Variants in PNLDC1 observed in about 807,000 individuals in gnomAD.
The protein encoded by PNLDC1 is PARN like ribonuclease domain containing exonuclease 1, also known as poly(A)-specific ribonuclease PNLDC1.
PNLDC1 carries 70 observed loss-of-function variants against 82.0 expected under a neutral mutation model. The ratio of observed to expected loss-of-function variants is 0.85; its 90% CI spans 0.70 to 1.04. The LOEUF (loss-of-function observed/expected upper bound fraction) is 1.04. PNLDC1 is among the 50% of genes least tolerant of loss of function. The pLI is 0.00. For synonymous variants in PNLDC1, 280 were observed against 249.3 expected (o/e 1.12, Z -1.16); for missense variants, 631 against 661.1 (o/e 0.95, Z 0.50).
Position 159,816,587 on chromosome 6 carries a change from T to C in PNLDC1, c.1105T>C (p.Cys369Arg). ...CGAAGCCGCGTATGATGCCTTCCTC[T>C]GTGGGTCAGGTAAGGATTGCGGTTC... ...PHEAAYDAFL[C>R]GSVLLKVAHL... The change falls in exon 14 of 19, where the codon TGT (cysteine) becomes CGT (arginine). Residue 369 changes from cysteine (C) to arginine (R), a missense_variant. Coordinates refer to ENST00000392167, the MANE Select transcript of PNLDC1 (RefSeq NM_001271862.2). The C allele has an allele frequency of 3.7e-6, 6 of 1,613,546 alleles. No individual in the cohort carries two copies. Among genetic ancestry groups the C allele is most frequent in the Non-Finnish European group, 5.1e-6 (6 of 1,179,758 alleles).
At chr6:159,800,634 A>G in intron 1 of PNLDC1, 138 bp from the exon 2 acceptor site, 1 of 1,599,440 alleles carries the variant, frequency 6.3e-7, no homozygotes. Flanking sequence ...TGGTTCCTCC[A>G]TTTTCCCTTC....
Position 159,817,520 on chromosome 6 carries a change from G to T in PNLDC1, c.1157+369G>T, listed in dbSNP as rs6923260. 6.7e-3 allele frequency among the ~76,000 whole-genome samples: 1,017 copies of T among 152,328 alleles called. 8 individuals carry two copies. Among genetic ancestry groups the T allele is most frequent in the African/African-American group, 0.023 (967 of 41,550 alleles). ...CTTATAGCCATGTAAGCAACAGTGA[G>T]GTATGAGGAGAAAGTGTTCAGGTCA... On this transcript the variant is annotated intron_variant, in intron 15 of 18. Transcript: ENST00000392167.
At chr6:159,820,296 A>G (rs898474542) in intron 18 of PNLDC1, among the ~76,000 whole-genome samples, 158 bp from the exon 19 acceptor site, 1 of 152,192 alleles carries the variant, frequency 6.6e-6, no homozygotes. Context: ...GAGCCAGCCT[A>G]ACCTCGAGAG....
intron 12 of PNLDC1, 108 bp downstream of exon 12, chr6:159,813,764 T>G (rs41267789): frequency 0.1 from 95,951 of 952,184 alleles, 5,696 homozygotes; most frequent in Middle Eastern, 0.18. Flanking sequence ...CAGTGATGCC[T>G]GCTTGGGACT....
At chr6:159,813,416 C>T (rs1378628458) in intron 11 of PNLDC1, among the ~76,000 whole-genome samples, 185 bp from the exon 12 acceptor site, 1 of 152,096 alleles carries the variant, frequency 6.6e-6, no homozygotes, top group Non-Finnish European at 1.5e-5. Flanking sequence ...CTAGGAAACC[C>T]AGGAATACTG....
chr6:159,802,879 G>A (rs1173435130), intron 3 of PNLDC1, among the ~76,000 whole-genome samples: 2 of 151,850 alleles, frequency 1.3e-5, no homozygotes, highest in Non-Finnish European at 1.5e-5. Context: ...CACCGCACCT[G>A]GCCTGAAGTC....
chr6:159,815,852 A>T, intron 12 of PNLDC1, 117 bp from the exon 13 acceptor site: 1 of 736,524 alleles, frequency 1.4e-6, no homozygotes, highest in Non-Finnish European at 2.2e-6. Context: ...TTTGCACCTT[A>T]AAGATATGTC....
intron 10 of PNLDC1, among the ~76,000 whole-genome samples, chr6:159,811,061 C>G (rs146014006): frequency 6.6e-6 from 1 of 152,132 alleles, no homozygotes; most frequent in Non-Finnish European, 1.5e-5. Context: ...CCCTCTCAGC[C>G]GGTGGGAGGT....
Position 159,820,497 on chromosome 6 carries a change from C to T in PNLDC1, c.1576C>T (p.Leu526Phe), listed in dbSNP as rs1782004417. The T allele has an allele frequency of 6.2e-7, 1 of 1,614,052 alleles. No homozygotes were observed. Among genetic ancestry groups the T allele is most frequent in the Admixed American group, 1.7e-5 (1 of 60,016 alleles). ...TGCCTGGGCCCTTCTCGCGTTCATC[C>T]TTGGAAGATCTGGTACCTGAGTGCA... is the stretch of plus-strand genomic sequence containing the variant. ...VTAWALLAFI[L>F]GRSGT The change falls in exon 19 of 19, where the codon CTT becomes TTT. Residue 526 changes from leucine (L) to phenylalanine (F), a missense_variant. By Grantham distance (22) the Leu-to-Phe change is conservative. Transcript: ENST00000392167.
rs540543181 is a variant in PNLDC1, at chr6:159,800,411, C to G, written c.76+28C>G. On this transcript the variant is annotated intron_variant, in intron 1 of 18. Transcript: ENST00000392167. ...GAAGAGCCTGGGATTCGCGGCTGTGCCGGACAGAGCCCCTTGCCCCGGGCG... is the reference window on the plus strand; with the variant it reads ...GAAGAGCCTGGGATTCGCGGCTGTGGCGGACAGAGCCCCTTGCCCCGGGCG... The G allele has an allele frequency of 1.7e-4, 269 of 1,541,006 alleles. 3 individuals are homozygous for G. The East Asian group carries it at 5.0e-3, about 29-fold the overall frequency.
At chr6:159,803,409 C>G in intron 4 of PNLDC1, 99 bp downstream of exon 4, 1 of 1,082,018 alleles carries the variant, frequency 9.2e-7, no homozygotes, top group Non-Finnish European at 1.4e-6. Flanking sequence ...CACTTTTGCC[C>G]TGGATCTTCC....
At chr6:159,817,566 T>C (rs1041457774) in intron 15 of PNLDC1, among the ~76,000 whole-genome samples, 1 of 152,224 alleles carries the variant, frequency 6.6e-6, no homozygotes, top group African/African-American at 2.4e-5. Flanking sequence ...TATCCTTTGT[T>C]GGGGGCACAT....
rs1781424523 is a variant in PNLDC1 at position 159,805,756 on chromosome 6, TTGAATATA to T, written c.462-224_462-217del. On this transcript the variant is annotated intron_variant, in intron 6 of 18. Coordinates refer to ENST00000392167, the MANE Select transcript of PNLDC1 (RefSeq NM_001271862.2). The stretch of plus-strand genomic sequence containing the variant: ...TACATCCTAGTGAAGCAGGAGGGGA[TTGAATATA>T]TGCCTGGATCCTATGGAAGGTTGTG... 1.6e-5 allele frequency: 8 copies of T among 515,020 alleles called. No individual in the cohort carries two copies. The South Asian group carries it at 1.7e-4, about 11-fold the overall frequency. The allele number at this position is 515,020 out of a possible 1,614,324, so 31.9% of individuals were successfully genotyped here.
At position 159,806,986 on chromosome 6, in the gene PNLDC1, G is replaced by A. The variant is rs527682579; in HGVS notation, c.562+903G>A. On this transcript the variant is annotated intron_variant, in intron 7 of 18. Coordinates refer to ENST00000392167, the MANE Select transcript of PNLDC1 (RefSeq NM_001271862.2). Reference sequence around the variant, plus strand: ...CAGCTCACTGCAATCTCCGCCTCCCGGGTTCAAGTGATTGTCCTGCCTCAG... The same window carrying A: ...CAGCTCACTGCAATCTCCGCCTCCCAGGTTCAAGTGATTGTCCTGCCTCAG... Among the ~76,000 whole-genome samples the A allele has an allele frequency of 1.7e-4, 26 of 150,534 alleles. No homozygotes were observed. The East Asian group carries it at 4.2e-3, about 24-fold the overall frequency.
chr6:159,809,311 T>G (rs1781565999), intron 9 of PNLDC1, among the ~76,000 whole-genome samples, 153 bp downstream of exon 9: 1 of 152,178 alleles, frequency 6.6e-6, no homozygotes, highest in Non-Finnish European at 1.5e-5. Flanking sequence ...AGATAGGGTC[T>G]CACCTGTCAC....
At position 159,818,639 on chromosome 6, in the gene PNLDC1, G is replaced by A. The variant is rs139683511; in HGVS notation, c.1242G>A (p.Ala414=). Residue 414 remains alanine, a synonymous_variant, in exon 16 of 19, where the codon GCG becomes GCA. Transcript: ENST00000392167. The part of the protein sequence containing the change: ...PYVNQVNLIR[A]GVPKINFSGP... ...TGAACCAAGTGAACCTCATCCGAGC[G>A]GGGGTCCCAAAGATCGTGAGTAGAT... The A allele has an allele frequency of 4.3e-5, 69 of 1,613,596 alleles. No homozygotes were observed. The African/African-American group carries it at 6.3e-4, about 15-fold the overall frequency.
rs767391405 is a variant in PNLDC1 at position 159,800,703 on chromosome 6, G to T, written c.77-69G>T. ...AGCGCGGGTGCCTTGGCCGCCTGCA[G>T]ATCTACAGTGTGAGGAGTGCTGGCG... On this transcript the variant is annotated intron_variant, in intron 1 of 18. Transcript: ENST00000392167. The T allele has an allele frequency of 3.5e-5, 56 of 1,614,072 alleles. No homozygotes were observed. In the East Asian group the frequency reaches 1.2e-3, roughly 35 times the overall value.
chr6:159,807,426 A>T (rs1781488481), intron 7 of PNLDC1, among the ~76,000 whole-genome samples: 1 of 152,198 alleles, frequency 6.6e-6, no homozygotes, highest in Non-Finnish European at 1.5e-5. Context: ...ACTTCAAGGA[A>T]GATAACTCGC....
intron 6 of PNLDC1, among the ~76,000 whole-genome samples, chr6:159,805,170 T>C (rs1173558762): frequency 6.6e-6 from 1 of 152,204 alleles, no homozygotes; most frequent in Non-Finnish European, 1.5e-5. Flanking sequence ...TTTGGCTGTC[T>C]GTGCCAGCCC....
Sources: gnomAD v4.1 joint callset for allele counts (sites outside exome capture counted in the v4.1 genomes callset) on GRCh38, gnomAD v4.1.1 for gene constraint, MANE v1.5 for transcripts, NCBI Gene and HGNC (gene_info 2026-07-23, HGNC 2026-07-21) for gene names.